The following SPAST variants were observed in gnomAD, a reference collection of about 807,000 sequenced individuals.
SPAST encodes spastin, also known as spastic paraplegia 4 (autosomal dominant; spastin).
A neutral mutation model predicts 76.6 loss-of-function variants in SPAST; 30 were observed. The observed-to-expected ratio is 0.39, with a 90% confidence interval of 0.29 to 0.53. The LOEUF is 0.53. SPAST is among the 20% of genes least tolerant of loss of function. The probability of loss-of-function intolerance (pLI) is 0.68; values close to 1 mark genes in which losing one functional copy is unlikely to be tolerated. For synonymous variants in SPAST, 305 were observed against 281.0 expected, an observed-to-expected ratio of 1.09 and a Z score of -0.86; for missense variants, 717 against 770.5, an observed-to-expected ratio of 0.93 and a Z score of 0.82.
intron 3 of SPAST, among the ~76,000 whole-genome samples, chr2:32,093,185 C>T (rs1573078824): frequency 6.6e-6 from 1 of 151,262 alleles, no homozygotes; most frequent in East Asian, 1.9e-4. Flanking sequence ...GTGGCGGGCG[C>T]CTGTAGTCCC....
At chr2:32,141,745 A>AG (rs1363915293) in intron 12 of SPAST, among the ~76,000 whole-genome samples, 159 bp from the exon 13 acceptor site, 4 of 152,246 alleles carry the variant, frequency 2.6e-5, no homozygotes, top group Non-Finnish European at 5.9e-5. Flanking sequence ...AACATTAACT[A>AG]GAGTTTTAAA....
At chr2:32,069,341 T>C (rs1326786942) in intron 1 of SPAST, among the ~76,000 whole-genome samples, 1 of 152,092 alleles carries the variant, frequency 6.6e-6, no homozygotes, top group African/African-American at 2.4e-5. Flanking sequence ...AGAGTGCACT[T>C]TTGAAGTCTG....
intron 5 of SPAST, 51 bp downstream of exon 5, chr2:32,114,876 T>A: frequency 7.3e-7 from 1 of 1,367,600 alleles, no homozygotes; most frequent in Non-Finnish European, 1.0e-6. Context: ...ATAGAAAAAT[T>A]TTTAAGATAC....
At position 32,083,776 on chromosome 2, in the gene SPAST, A is replaced by ATTT. The variant is rs1178658126; in HGVS notation, c.416-3703_416-3701dup. 5.9e-3 allele frequency among the ~76,000 whole-genome samples: 273 copies of ATTT among 46,066 alleles called. 11 individuals carry two copies. The highest frequency in any genetic ancestry group is 8.1e-3 in the Non-Finnish European group (217 of 26,748). The allele number at this position is 46,066 out of a possible 152,430, so 30.2% of individuals were successfully genotyped here. On this transcript the variant is annotated intron_variant, in intron 1 of 16. Coordinates refer to ENST00000315285, the MANE Select transcript of SPAST (RefSeq NM_014946.4). ...TATATATATATATATATATATATAT[A>ATTT]TTTTTTTTTTTTTTTGAGATGAAGT... is the stretch of plus-strand genomic sequence containing the variant.
In SPAST at chr2:32,064,200, C is replaced by G. The variant is rs959239665; in HGVS notation, c.369C>G (p.Ala123=). The G allele has an allele frequency of 2.6e-6, 4 of 1,550,718 alleles. 1 individual carries two copies. The highest frequency in any genetic ancestry group is 2.7e-5 in the African/African-American group (2 of 72,800). ...AERVRVFHKQ[A]FEYISIALRI... ...GCGTCCGAGTCTTCCACAAACAGGCCTTCGAGTACATCTCCATTGCCCTGC... is the reference window on the plus strand; with the variant it reads ...GCGTCCGAGTCTTCCACAAACAGGCGTTCGAGTACATCTCCATTGCCCTGC... Residue 123 remains alanine, a synonymous_variant, in exon 1 of 17, where the codon GCC becomes GCG. Coordinates refer to ENST00000315285, the MANE Select transcript of SPAST (RefSeq NM_014946.4).
intron 1 of SPAST, 69 bp from the exon 2 acceptor site, chr2:32,087,423 C>T (rs950716362): frequency 4.2e-6 from 4 of 941,968 alleles, no homozygotes; most frequent in African/African-American, 3.2e-5. Flanking sequence ...TATTACCTCT[C>T]AACAGCATGA....
At chr2:32,070,686 A>G (rs565795132) in intron 1 of SPAST, among the ~76,000 whole-genome samples, 19 of 152,216 alleles carry the variant, frequency 1.2e-4, no homozygotes, top group South Asian at 1.0e-3. Context: ...CTGGAGTGCA[A>G]TGACACCATC....
At position 32,148,285 on chromosome 2, in the gene SPAST, C is replaced by T. The variant is rs1366934035; in HGVS notation, c.1728+1027C>T. On this transcript the variant is annotated intron_variant, in intron 16 of 16. Coordinates refer to ENST00000315285, the MANE Select transcript of SPAST (RefSeq NM_014946.4). Reference sequence around the variant, plus strand: ...TTGCTTCATTTCAAAATATGGAAACCTATGAAATAGTCAAAATTTTTTTTG... The same window carrying T: ...TTGCTTCATTTCAAAATATGGAAACTTATGAAATAGTCAAAATTTTTTTTG... Among the ~76,000 whole-genome samples, 16 of 152,102 alleles carry T rather than the reference C, an allele frequency of 1.1e-4. No individual in the cohort carries two copies. In the East Asian group the frequency reaches 3.1e-3, roughly 29 times the overall value.
intron 4 of SPAST, among the ~76,000 whole-genome samples, chr2:32,104,163 T>C (rs1678229607): frequency 6.6e-6 from 1 of 152,248 alleles, no homozygotes; most frequent in Non-Finnish European, 1.5e-5. Flanking sequence ...ATATTTAGGA[T>C]AGTTAGCTCT....
chr2:32,128,392 C>A lies in SPAST; in HGVS notation c.1174-16C>A. 6.4e-7 allele frequency: 1 copy of A among 1,568,272 alleles called. No homozygotes were observed. The highest frequency in any genetic ancestry group is 8.8e-7 in the Non-Finnish European group (1 of 1,138,448). On this transcript the variant is annotated splice_polypyrimidine_tract_variant and intron_variant, in intron 8 of 16. Transcript: ENST00000315285. ...ATATTGAACTAATTTAATATTTGCT[C>A]TTGTGATTTTTAAAGGCTAAAGCAG...
rs143044944 is a variant in SPAST, at chr2:32,113,895, G to A, written c.683-743G>A. Among the ~76,000 whole-genome samples the A allele has an allele frequency of 2.4e-3, 360 of 151,316 alleles. 3 individuals are homozygous for A. Among genetic ancestry groups the A allele is most frequent in the Admixed American group, 0.014 (207 of 15,198 alleles). ...CATAACCTTTTTATATTGTCTTTCT[G>A]TTCCCCAAAATGAAGTAGTTTCTTC... On this transcript the variant is annotated intron_variant, in intron 4 of 16. Transcript: ENST00000315285.
Position 32,157,214 on chromosome 2 carries a change from C to T in SPAST, c.*2718C>T, listed in dbSNP as rs890147975. The T allele has an allele frequency of 1.3e-5, 2 of 152,598 alleles. No homozygotes were observed. The highest frequency in any genetic ancestry group is 2.9e-5 in the Non-Finnish European group (2 of 68,020). The allele number at this position is 152,598 out of a possible 1,614,324, so 9.5% of individuals were successfully genotyped here. A position where few individuals can be genotyped will look rare whatever the true frequency, so the allele number is the denominator to read the frequency against. ...GTTTTGTAAACTAAATTAAAACTTA[C>T]TGATATATTGGACTTTGAGCCAAGG... On this transcript the variant is annotated 3_prime_UTR_variant, in exon 17 of 17. Coordinates refer to ENST00000315285, the MANE Select transcript of SPAST (RefSeq NM_014946.4).
rs142201362 is a variant in SPAST at position 32,147,376 on chromosome 2, A to T, written c.1728+118A>T. 3,059 of 562,790 alleles carry T rather than the reference A, an allele frequency of 5.4e-3. 21 individuals carry two copies. Among genetic ancestry groups the T allele is most frequent in the Non-Finnish European group, 7.4e-3 (2,560 of 345,078 alleles). The allele number at this position is 562,790 out of a possible 1,614,324, so 34.9% of individuals were successfully genotyped here. A position where few individuals can be genotyped will look rare whatever the true frequency, so the allele number is the denominator to read the frequency against. On this transcript the variant is annotated intron_variant, in intron 16 of 16. Coordinates refer to ENST00000315285, the MANE Select transcript of SPAST (RefSeq NM_014946.4). ...TTTTTTTTTTTTTTTTTTTTGAGAC[A>T]GTCTGGCATGATATCGGCTCACTGC...
At chr2:32,110,558 GTGTGTATATATAGTATAT>G (rs1558319755) in intron 4 of SPAST, among the ~76,000 whole-genome samples, 1,738 of 64,452 alleles carry the variant, frequency 0.027, 52 homozygotes, top group African/African-American at 0.087. Flanking sequence ...ATACTATATA[GTGTGTATATATAGTATAT>G]ATATAGTGTA....
intron 15 of SPAST, among the ~76,000 whole-genome samples, chr2:32,145,443 C>T (rs999917394): frequency 2.6e-5 from 4 of 152,072 alleles, no homozygotes; most frequent in Admixed American, 6.6e-5. Context: ...AGTCTATGAG[C>T]CAGTAGACTG....
chr2:32,143,579 C>G (rs542775661), intron 14 of SPAST, among the ~76,000 whole-genome samples, 164 bp downstream of exon 14: 1 of 152,162 alleles, frequency 6.6e-6, no homozygotes, highest in African/African-American at 2.4e-5. Context: ...ACCTCTTGTT[C>G]TTATATATAT....
At chr2:32,103,677 C>T (rs944222336) in intron 4 of SPAST, among the ~76,000 whole-genome samples, 3 of 152,138 alleles carry the variant, frequency 2.0e-5, no homozygotes, top group Admixed American at 6.5e-5. Context: ...TCTTTGTTCT[C>T]GTTGGTTTCA....
chr2:32,152,196 A>G (rs1680108645), intron 16 of SPAST, among the ~76,000 whole-genome samples: 1 of 152,192 alleles, frequency 6.6e-6, no homozygotes, highest in African/African-American at 2.4e-5. Flanking sequence ...CTCTTACGTT[A>G]AAATATCATA....
At chr2:32,145,176 C>T (rs752093496) in intron 15 of SPAST, among the ~76,000 whole-genome samples, 169 bp downstream of exon 15, 2 of 152,068 alleles carry the variant, frequency 1.3e-5, no homozygotes, top group African/African-American at 2.4e-5. Flanking sequence ...ACTGCAGCCT[C>T]GAACCCCCCA....
Sources: allele counts gnomAD v4.1 joint callset (sites outside exome capture counted in the v4.1 genomes callset), GRCh38; gene constraint gnomAD v4.1.1; transcripts MANE v1.5; gene names NCBI Gene and HGNC (gene_info 2026-07-23, HGNC 2026-07-21).